Variants in PKHD1L1 observed in about 807,000 individuals in gnomAD.
PKHD1L1 encodes the protein PKHD1 like 1.
In PKHD1L1, 434 loss-of-function variants were observed where a neutral mutation model predicts 462.9. That is an observed-to-expected ratio of 0.94 (90% confidence interval 0.87 to 1.02). PKHD1L1 has a LOEUF of 1.02. Ranked by LOEUF, PKHD1L1 falls within the 50% of genes least tolerant of loss-of-function variation. The probability of loss-of-function intolerance (pLI) is 0.00; values close to 1 mark genes in which losing one functional copy is unlikely to be tolerated. For synonymous variants in PKHD1L1, 1,781 were observed against 1,750.0 expected, an observed-to-expected ratio of 1.02 and a Z score of -0.44; for missense variants, 5,202 against 5,096.1, an observed-to-expected ratio of 1.02 and a Z score of -0.63.
chr8:109,450,949 C>T (rs368727278), intron 40 of PKHD1L1, 26 bp from the exon 41 acceptor site: 1 of 1,569,320 alleles, frequency 6.4e-7, no homozygotes, highest in Non-Finnish European at 8.7e-7. Flanking sequence ...GGCAGAACTG[C>T]ATTCAGTCTG....
intron 23 of PKHD1L1, among the ~76,000 whole-genome samples, chr8:109,424,001 C>T (rs1814611550): frequency 6.6e-6 from 1 of 151,958 alleles, no homozygotes; most frequent in Admixed American, 6.6e-5. Context: ...TATCTTGTAT[C>T]TTATAACCTA....
chr8:109,515,292 CCAT>C lies in PKHD1L1; in HGVS notation c.11678_11680del (p.His3893del). On this transcript the variant is annotated inframe_deletion, in exon 72 of 78. Transcript: ENST00000378402. ...AGCAGAAACACTGTGAACTTAATAA[CCAT>C]CTGTACAAAGGTATTGTCTCAGAAA... 6.3e-7 allele frequency: 1 copy of C among 1,594,412 alleles called. No homozygotes were observed. Among genetic ancestry groups the C allele is most frequent in the Non-Finnish European group, 8.6e-7 (1 of 1,168,874 alleles).
chr8:109,431,557 G>A (rs1281318189), intron 27 of PKHD1L1, among the ~76,000 whole-genome samples: 1 of 151,896 alleles, frequency 6.6e-6, no homozygotes, highest in African/African-American at 2.4e-5. Flanking sequence ...CGGTAATTTT[G>A]CCAGTTTTGT....
chr8:109,470,927 G>A, intron 50 of PKHD1L1: 1 of 1,600,886 alleles, frequency 6.2e-7, no homozygotes, highest in Middle Eastern at 2.3e-4. Context: ...GAGAAATGAG[G>A]AAGGATTTCT....
intron 2 of PKHD1L1, among the ~76,000 whole-genome samples, chr8:109,365,695 G>A (rs1811192807): frequency 6.6e-6 from 1 of 152,204 alleles, no homozygotes. Context: ...AAGAAGAAGG[G>A]CTAGGCGCGG....
chr8:109,530,391 T>C lies in PKHD1L1; in HGVS notation c.*301T>C, dbSNP rs1255128903. ...CCAACAAATCATAGAATCCTTTAAATAATGGAAAGAGCTTGTCTAGTTCCG... is the reference window on the plus strand; with the variant it reads ...CCAACAAATCATAGAATCCTTTAAACAATGGAAAGAGCTTGTCTAGTTCCG... On this transcript the variant is annotated 3_prime_UTR_variant, in exon 78 of 78. Transcript: ENST00000378402. 1 of 185,536 alleles carries C rather than the reference T, an allele frequency of 5.4e-6. No homozygotes were observed. Among genetic ancestry groups the C allele is most frequent in the Admixed American group, 6.2e-5 (1 of 16,014 alleles). The allele number at this position is 185,536 out of a possible 1,614,324, so 11.5% of individuals were successfully genotyped here.
At chr8:109,481,588 G>A in intron 56 of PKHD1L1, 26 bp downstream of exon 56, 2 of 1,524,932 alleles carry the variant, frequency 1.3e-6, no homozygotes, top group African/African-American at 1.4e-5. Flanking sequence ...TACCAAAAGT[G>A]TCACATCTGT....
chr8:109,433,252 C>A, intron 28 of PKHD1L1, 36 bp downstream of exon 28: 1 of 1,451,558 alleles, frequency 6.9e-7, no homozygotes, highest in Non-Finnish European at 9.6e-7. Context: ...TCTAATTGTT[C>A]TTCTCTAAGA....
rs372504595 is a variant in PKHD1L1, at chr8:109,464,240, C to T, written c.7408C>T (p.Arg2470Trp). ...VEVFHAGQAF[R>W]LGRYPIHWHL... ...GGTATTCCATGCTGGCCAGGCTTTCCGGTTGGGGCGATATCCAATACATTG... is the reference window on the plus strand; with the variant it reads ...GGTATTCCATGCTGGCCAGGCTTTCTGGTTGGGGCGATATCCAATACATTG... The change falls in exon 49 of 78, where the codon CGG becomes TGG. Residue 2470 changes from arginine to tryptophan, a missense_variant. Arg to Trp is a moderately radical substitution (Grantham distance 101, BLOSUM62 -3). Transcript: ENST00000378402. 1.6e-5 allele frequency: 25 copies of T among 1,599,946 alleles called. No homozygotes were observed. In the African/African-American group the frequency reaches 2.0e-4, roughly 13 times the overall value.
chr8:109,397,979 T>G (rs1813064484), intron 11 of PKHD1L1, among the ~76,000 whole-genome samples: 1 of 152,190 alleles, frequency 6.6e-6, no homozygotes, highest in Non-Finnish European at 1.5e-5. Context: ...TTTCAGTCTG[T>G]CTGTGAAAAT....
chr8:109,446,396 A>T (rs984979200), intron 38 of PKHD1L1, among the ~76,000 whole-genome samples: 14 of 152,192 alleles, frequency 9.2e-5, no homozygotes, highest in African/African-American at 3.4e-4. Context: ...TTAAAACATC[A>T]ATTTCCTTAT....
intron 70 of PKHD1L1, among the ~76,000 whole-genome samples, chr8:109,510,518 C>T (rs950021406): frequency 2.0e-5 from 3 of 152,116 alleles, no homozygotes; most frequent in African/African-American, 7.2e-5. Flanking sequence ...CTTATTAACA[C>T]ATTAATGTAC....
In PKHD1L1 at chr8:109,433,090, A is replaced by C. The variant is rs756650149; in HGVS notation, c.3230-16A>C. On this transcript the variant is annotated splice_polypyrimidine_tract_variant and intron_variant, in intron 27 of 77. Transcript: ENST00000378402. ...TTTCTAACTTTAATATTGTTATTTAAATTGATCATTTTTAGGGTCCTATGA... is the reference window on the plus strand; with the variant it reads ...TTTCTAACTTTAATATTGTTATTTACATTGATCATTTTTAGGGTCCTATGA... 1.3e-6 allele frequency: 2 copies of C among 1,523,460 alleles called. No individual in the cohort carries two copies. The highest frequency in any genetic ancestry group is 1.8e-6 in the Non-Finnish European group (2 of 1,112,018). The allele number at this position is 1,523,460 out of a possible 1,614,324, so 94.4% of individuals were successfully genotyped here.
At chr8:109,494,742 A>C (rs904566607) in intron 63 of PKHD1L1, among the ~76,000 whole-genome samples, 1 of 152,006 alleles carries the variant, frequency 6.6e-6, no homozygotes, top group Non-Finnish European at 1.5e-5. Flanking sequence ...AAAGTATAAA[A>C]ATCATAGAAA....
intron 48 of PKHD1L1, among the ~76,000 whole-genome samples, chr8:109,462,333 C>A (rs2130822922): frequency 6.6e-6 from 1 of 152,222 alleles, no homozygotes; most frequent in Admixed American, 6.5e-5. Flanking sequence ...CACCCCTCTT[C>A]AAAATCCTTC....
At chr8:109,510,185 GTGTT>G (rs1819894495) in intron 70 of PKHD1L1, among the ~76,000 whole-genome samples, 1 of 152,108 alleles carries the variant, frequency 6.6e-6, no homozygotes, top group Non-Finnish European at 1.5e-5. Flanking sequence ...TTAGACGAAT[GTGTT>G]TGTTGAATTT....
At chr8:109,380,356 A>G (rs1283106028) in intron 2 of PKHD1L1, among the ~76,000 whole-genome samples, 1 of 152,122 alleles carries the variant, frequency 6.6e-6, no homozygotes, top group East Asian at 1.9e-4. Context: ...GATGCCTTTT[A>G]TATTCAGCTT....
At chr8:109,466,907 CAAAT>C (rs1817471623) in intron 50 of PKHD1L1, 138 bp downstream of exon 50, 1 of 778,030 alleles carries the variant, frequency 1.3e-6, no homozygotes, top group South Asian at 2.0e-5. Context: ...AAGCAGGAAA[CAAAT>C]AATACTCTCG....
rs115224061 is a variant in PKHD1L1, at chr8:109,473,668, A to G, written c.8606-1450A>G. ...GTTAACCATTGCTTCACAACAGACT[A>G]TCTCAAAACTCAATAGCTTAAGCCT... is the stretch of plus-strand genomic sequence containing the variant. On this transcript the variant is annotated intron_variant, in intron 50 of 77. Coordinates refer to ENST00000378402, the MANE Select transcript of PKHD1L1 (RefSeq NM_177531.6). 2.3e-3 allele frequency among the ~76,000 whole-genome samples: 350 copies of G among 152,198 alleles called. 1 individual carries two copies. The highest frequency in any genetic ancestry group is 8.1e-3 in the African/African-American group (337 of 41,550).
Sources: gnomAD v4.1 joint callset for allele counts (sites outside exome capture counted in the v4.1 genomes callset) on GRCh38, gnomAD v4.1.1 for gene constraint, MANE v1.5 for transcripts, NCBI Gene and HGNC (gene_info 2026-07-23, HGNC 2026-07-21) for gene names.